Variants in MIPOL1 observed in about 807,000 individuals in gnomAD.
MIPOL1 encodes the protein mirror-image polydactyly 1.
Under a neutral mutation model 60.9 loss-of-function variants are expected in MIPOL1, and 57 were observed. That is an observed-to-expected ratio of 0.94 (90% CI 0.76 to 1.17). MIPOL1 has a LOEUF of 1.17. Ranked by LOEUF, MIPOL1 falls within the 50% of genes most tolerant of loss-of-function variation. The pLI is 0.00. For missense variants in MIPOL1, 551 were observed against 511.6 expected (o/e 1.08, Z -0.74); for synonymous variants, 179 against 168.8 (o/e 1.06, Z -0.47).
chr14:37,487,996 T>A (rs1319103214), intron 11 of MIPOL1, among the ~76,000 whole-genome samples: 1 of 152,254 alleles, frequency 6.6e-6, no homozygotes, highest in Admixed American at 6.5e-5. Flanking sequence ...CCCTAGACAC[T>A]GCTTTAAATG....
chr14:37,271,052 G>A (rs976937988), intron 6 of MIPOL1, among the ~76,000 whole-genome samples: 1 of 152,024 alleles, frequency 6.6e-6, no homozygotes. Flanking sequence ...AAAGTGAAAG[G>A]TTGCCAAACT....
chr14:37,217,932 T>C (rs1968029629), intron 1 of MIPOL1, among the ~76,000 whole-genome samples: 1 of 152,200 alleles, frequency 6.6e-6, no homozygotes, highest in South Asian at 2.1e-4. Context: ...GTACTATGGA[T>C]TTACTTTTAA....
intron 9 of MIPOL1, among the ~76,000 whole-genome samples, chr14:37,318,430 G>T (rs142148109): frequency 3.3e-5 from 5 of 152,246 alleles, no homozygotes; most frequent in African/African-American, 1.2e-4. Context: ...CTTAATTACA[G>T]TGGCTGTAAG....
intron 10 of MIPOL1, chr14:37,400,863 A>T (rs1264027505): frequency 6.6e-6 from 1 of 152,156 alleles, no homozygotes; most frequent in African/African-American, 2.4e-5. Context: ...ATACCATCTG[A>T]TATGAATAGC....
intron 7 of MIPOL1, among the ~76,000 whole-genome samples, chr14:37,290,546 CT>C (rs1344306656): frequency 6.6e-6 from 1 of 151,766 alleles, no homozygotes; most frequent in South Asian, 2.1e-4. Flanking sequence ...GTTTGTCTGT[CT>C]TTTTTTTGTC....
intron 9 of MIPOL1, among the ~76,000 whole-genome samples, chr14:37,325,424 TTTG>T (rs1317714851): frequency 6.6e-6 from 1 of 152,120 alleles, no homozygotes; most frequent in Non-Finnish European, 1.5e-5. Context: ...GAATTTCAAT[TTTG>T]TTATTTTTCT....
At chr14:37,411,123 A>G (rs1443736661) in intron 10 of MIPOL1, among the ~76,000 whole-genome samples, 1 of 152,186 alleles carries the variant, frequency 6.6e-6, no homozygotes, top group Non-Finnish European at 1.5e-5. Context: ...TAAAAAGCAT[A>G]TCAGACAAAC....
intron 6 of MIPOL1, among the ~76,000 whole-genome samples, chr14:37,275,945 C>A (rs535754906): frequency 6.6e-6 from 1 of 151,170 alleles, no homozygotes; most frequent in Non-Finnish European, 1.5e-5. Context: ...AGACACATTT[C>A]TTATTAACCT....
At chr14:37,544,169 TGAAAA>T (rs1340581198) in intron 12 of MIPOL1, among the ~76,000 whole-genome samples, 5 of 151,766 alleles carry the variant, frequency 3.3e-5, no homozygotes, top group Admixed American at 3.3e-4. Context: ...GGGAGCAAAA[TGAAAA>T]GAAAAGATGA....
chr14:37,396,369 A>G (rs1022766515), intron 10 of MIPOL1, among the ~76,000 whole-genome samples: 2 of 152,020 alleles, frequency 1.3e-5, no homozygotes, highest in African/African-American at 4.8e-5. Context: ...GCTTTTTTTA[A>G]TAGGTTACCT....
chr14:37,253,148 G>A (rs1974374563), intron 3 of MIPOL1, among the ~76,000 whole-genome samples: 1 of 151,684 alleles, frequency 6.6e-6, no homozygotes, highest in Non-Finnish European at 1.5e-5. Flanking sequence ...TTAGCTTATT[G>A]CCTATATTTT....
chr14:37,431,296 C>T (rs190769055), intron 11 of MIPOL1, among the ~76,000 whole-genome samples: 5 of 152,166 alleles, frequency 3.3e-5, no homozygotes, highest in South Asian at 2.1e-4. Flanking sequence ...TAATTTATAA[C>T]GAGCTTTTGC....
intron 11 of MIPOL1, among the ~76,000 whole-genome samples, chr14:37,444,854 G>C (rs988186337): frequency 6.6e-6 from 1 of 152,038 alleles, no homozygotes; most frequent in Non-Finnish European, 1.5e-5. Context: ...ATGCAGAAAA[G>C]GCCTTTGACA....
At chr14:37,270,563 C>A in intron 6 of MIPOL1, 38 bp downstream of exon 6, 1 of 1,107,244 alleles carries the variant, frequency 9.0e-7, no homozygotes, top group Non-Finnish European at 1.3e-6. Context: ...CTTGAAGAAT[C>A]ACACACAAGG....
intron 1 of MIPOL1, among the ~76,000 whole-genome samples, chr14:37,208,720 C>T (rs748014695): frequency 5.9e-5 from 9 of 152,100 alleles, no homozygotes; most frequent in African/African-American, 2.2e-4. Flanking sequence ...CAGCCTCCTG[C>T]GTAGCTGGGA....
intron 7 of MIPOL1, among the ~76,000 whole-genome samples, chr14:37,302,800 T>C (rs2086426730): frequency 6.6e-6 from 1 of 151,894 alleles, no homozygotes; most frequent in African/African-American, 2.4e-5. Context: ...ACCTATATGT[T>C]AATCCCTTTG....
At chr14:37,247,706 T>C (rs538491592) in intron 2 of MIPOL1, 123 bp from the exon 3 acceptor site, 1 of 552,492 alleles carries the variant, frequency 1.8e-6, no homozygotes, top group African/African-American at 1.9e-5. Flanking sequence ...CAGTTAATTG[T>C]CCCATTGTAA....
At chr14:37,311,562 G>A (rs934418554) in intron 9 of MIPOL1, among the ~76,000 whole-genome samples, 1 of 151,992 alleles carries the variant, frequency 6.6e-6, no homozygotes, top group Non-Finnish European at 1.5e-5. Context: ...TAATTTTTAT[G>A]TTAGTCATTG....
chr14:37,408,268 A>C (rs2093625762), intron 10 of MIPOL1, among the ~76,000 whole-genome samples: 1 of 152,174 alleles, frequency 6.6e-6, no homozygotes, highest in Admixed American at 6.5e-5. Flanking sequence ...TTTTTATTTT[A>C]GCCTAGAAAA....
Sources: allele counts gnomAD v4.1 joint callset (sites outside exome capture counted in the v4.1 genomes callset), GRCh38; gene constraint gnomAD v4.1.1; transcripts MANE v1.5; gene names NCBI Gene and HGNC (gene_info 2026-07-23, HGNC 2026-07-21).